MRPS31: variants seen among roughly 807,000 people sequenced by gnomAD.
The protein encoded by MRPS31 is small ribosomal subunit protein mS31.
Under a neutral mutation model 43.1 loss-of-function variants are expected in MRPS31, and 32 were observed. The ratio of observed to expected loss-of-function variants is 0.74; its 90% CI spans 0.56 to 1.00. MRPS31 has a LOEUF of 1.00. Among genes scored for constraint, MRPS31 ranks in the 50% least tolerant of loss-of-function variants. The pLI, the probability that MRPS31 is intolerant of heterozygous loss-of-function variation, is 0.00. For synonymous variants in MRPS31, 165 were observed against 161.6 expected (o/e 1.02, Z -0.16); for missense variants, 437 against 466.7 (o/e 0.94, Z 0.59).
At chr13:40,755,180 T>A (rs1393784287) in intron 4 of MRPS31, among the ~76,000 whole-genome samples, 1 of 152,206 alleles carries the variant, frequency 6.6e-6, no homozygotes, top group Admixed American at 6.5e-5. Flanking sequence ...AATAATGTGA[T>A]CTCAAATCAT....
intron 5 of MRPS31, among the ~76,000 whole-genome samples, chr13:40,751,444 T>C (rs1420071322): frequency 6.6e-6 from 1 of 152,206 alleles, no homozygotes; most frequent in African/African-American, 2.4e-5. Flanking sequence ...GAAAAGTTAG[T>C]GTGGCAGAAT....
chr13:40,760,673 G>A (rs903845542), intron 2 of MRPS31, among the ~76,000 whole-genome samples: 5 of 136,128 alleles, frequency 3.7e-5, no homozygotes, highest in Admixed American at 7.9e-5. Context: ...TCAATATGTC[G>A]TCAAGTCTGG....
chr13:40,738,663 C>T (rs1879994676), intron 6 of MRPS31, among the ~76,000 whole-genome samples: 1 of 152,102 alleles, frequency 6.6e-6, no homozygotes, highest in South Asian at 2.1e-4. Flanking sequence ...TAATCCAGCA[C>T]ATAAACAGAG....
intron 6 of MRPS31, among the ~76,000 whole-genome samples, chr13:40,741,006 C>A (rs1880073988): frequency 6.7e-6 from 1 of 149,396 alleles, no homozygotes; most frequent in Non-Finnish European, 1.5e-5. Flanking sequence ...CACAATTGTC[C>A]ATAGTCATAT....
At chr13:40,732,547 A>C (rs1458796481) in intron 6 of MRPS31, among the ~76,000 whole-genome samples, 1 of 152,188 alleles carries the variant, frequency 6.6e-6, no homozygotes, top group Non-Finnish European at 1.5e-5. Context: ...CAGCCTGAGC[A>C]ACAAAGTGAG....
intron 4 of MRPS31, among the ~76,000 whole-genome samples, chr13:40,756,213 C>G (rs2138010462): frequency 6.6e-6 from 1 of 152,278 alleles, no homozygotes; most frequent in South Asian, 2.1e-4. Context: ...TTTGTCAGAC[C>G]ATGCCAAATA....
At chr13:40,742,116 T>C (rs574827259) in intron 6 of MRPS31, among the ~76,000 whole-genome samples, 11 of 152,302 alleles carry the variant, frequency 7.2e-5, no homozygotes, top group African/African-American at 2.6e-4. Context: ...GATTTGACTC[T>C]TTTGCAAATA....
At chr13:40,767,699 C>A (rs1392365237) in intron 1 of MRPS31, among the ~76,000 whole-genome samples, 2 of 152,154 alleles carry the variant, frequency 1.3e-5, no homozygotes, top group Non-Finnish European at 2.9e-5. Flanking sequence ...CCTCCATTTA[C>A]CCCAGGGTTG....
intron 6 of MRPS31, among the ~76,000 whole-genome samples, chr13:40,743,622 C>T (rs909276441): frequency 1.3e-5 from 2 of 152,114 alleles, no homozygotes; most frequent in African/African-American, 4.8e-5. Context: ...ACGGATCATC[C>T]GGGCAATGCA....
chr13:40,739,882 AG>A (rs1235656593), intron 6 of MRPS31, among the ~76,000 whole-genome samples: 3 of 152,096 alleles, frequency 2.0e-5, no homozygotes, highest in Non-Finnish European at 4.4e-5. Context: ...GGCATGGGCA[AG>A]GACTTCATGA....
At chr13:40,766,685 T>C in intron 2 of MRPS31, 61 bp downstream of exon 2, 2 of 1,463,426 alleles carry the variant, frequency 1.4e-6, no homozygotes, top group Non-Finnish European at 1.8e-6. Context: ...AAAAATATTT[T>C]TTACCAAAAC....
At chr13:40,753,515 C>A (rs1319772167) in intron 5 of MRPS31, among the ~76,000 whole-genome samples, 1 of 152,152 alleles carries the variant, frequency 6.6e-6, no homozygotes, top group Non-Finnish European at 1.5e-5. Context: ...ACTGTAGTAA[C>A]CCCCACCAGG....
chr13:40,729,375 A>G lies in MRPS31; in HGVS notation c.1185T>C (p.Asn395=). 1 of 1,441,412 alleles carries G rather than the reference A, an allele frequency of 6.9e-7. No homozygotes were observed. Among genetic ancestry groups the G allele is most frequent in the African/African-American group, 1.4e-5 (1 of 70,610 alleles). 89.3% of individuals were successfully genotyped at this position (1,441,412 alleles called of 1,614,324 possible). The change falls in exon 7 of 7, where the codon AAT becomes AAC. Residue 395 remains asparagine (N), a synonymous_variant. Transcript: ENST00000323563. The stretch of plus-strand genomic sequence containing the variant: ...TGAAATAAAAATTTCCATGGTCTTA[A>G]TTGAACTGTATGTTACTTTCTTTTA... The part of the protein sequence containing the change: ...DILKESNIQF[N]
intron 1 of MRPS31, among the ~76,000 whole-genome samples, chr13:40,768,256 T>C (rs182089671): frequency 7.0e-4 from 106 of 152,322 alleles, no homozygotes; most frequent in African/African-American, 2.5e-3. Context: ...GTGGGCACTA[T>C]ACTAGGTACT....
At position 40,729,601 on chromosome 13, in the gene MRPS31, C is replaced by T. The variant is rs771635473; in HGVS notation, c.959G>A (p.Gly320Asp). The change falls in exon 7 of 7, where the codon GGT becomes GAT. Residue 320 changes from glycine to aspartate, a missense_variant and splice_region_variant. Coordinates refer to ENST00000323563, the MANE Select transcript of MRPS31 (RefSeq NM_005830.4). ...AAATTCTGAACCATCATCATCAAAACCTAGGAAATGAGACCAAATACATTA... is the reference window on the plus strand; with the variant it reads ...AAATTCTGAACCATCATCATCAAAATCTAGGAAATGAGACCAAATACATTA... ...LWEFPINNEA[G>D]FDDDGSEFHE... 6.3e-7 allele frequency: 1 copy of T among 1,593,690 alleles called. No individual in the cohort carries two copies. Among genetic ancestry groups the T allele is most frequent in the Non-Finnish European group, 8.6e-7 (1 of 1,162,162 alleles).
rs766229410 is a variant in MRPS31, at chr13:40,729,517, C to T, written c.1043G>A (p.Arg348His). ...ACAAGTCACCAGCTCCATGAAGTGG[C>T]GAATTGGTCCTTGTTTTGGAAAGCT... ...LESFPKQGPI[R>H]HFMELVTCGL... The change falls in exon 7 of 7, where the codon CGC becomes CAC. Residue 348 changes from arginine (R) to histidine (H), a missense_variant. By Grantham distance (29) the Arg-to-His change is conservative (BLOSUM62 0). Coordinates refer to ENST00000323563, the MANE Select transcript of MRPS31 (RefSeq NM_005830.4). 9.3e-6 allele frequency: 15 copies of T among 1,613,954 alleles called. No individual in the cohort carries two copies. The highest frequency in any genetic ancestry group is 2.2e-5 in the East Asian group (1 of 44,872).
chr13:40,757,841 G>A (rs1023396279), intron 3 of MRPS31, among the ~76,000 whole-genome samples: 21 of 149,564 alleles, frequency 1.4e-4, no homozygotes, highest in African/African-American at 5.2e-4. Context: ...TCAAACCCTG[G>A]ACTTAAGTGA....
chr13:40,736,568 C>A (rs1362201556), intron 6 of MRPS31, among the ~76,000 whole-genome samples: 6 of 151,022 alleles, frequency 4.0e-5, no homozygotes, highest in Non-Finnish European at 8.8e-5. Flanking sequence ...GCCCATCAGA[C>A]TAACAGCGGA....
chr13:40,729,753 G>A, intron 6 of MRPS31, 152 bp from the exon 7 acceptor site: 1 of 589,640 alleles, frequency 1.7e-6, no homozygotes, highest in East Asian at 2.9e-5. Context: ...TTTTGAGATG[G>A]AGTCTTGCTC....
Sources: allele counts gnomAD v4.1 joint callset (sites outside exome capture counted in the v4.1 genomes callset), GRCh38; gene constraint gnomAD v4.1.1; transcripts MANE v1.5; gene names NCBI Gene and HGNC (gene_info 2026-07-23, HGNC 2026-07-21).